SNX3: variants seen among roughly 807,000 people sequenced by gnomAD.
SNX3 encodes sorting nexin-3.
Under a neutral mutation model 17.7 loss-of-function variants are expected in SNX3, and 5 were observed. The ratio of observed to expected loss-of-function variants is 0.28; its 90% CI spans 0.15 to 0.59. The LOEUF is 0.59. Ranked by LOEUF, SNX3 falls within the 20% of genes least tolerant of loss-of-function variation. SNX3 has a pLI of 0.88. For synonymous variants in SNX3, 91 were observed against 76.5 expected (o/e 1.19, Z -0.99); for missense variants, 132 against 206.8 (o/e 0.64, Z 2.22).
intron 1 of SNX3, among the ~76,000 whole-genome samples, chr6:108,256,318 T>G (rs1484098373): frequency 6.6e-6 from 1 of 152,242 alleles, no homozygotes; most frequent in African/African-American, 2.4e-5. Flanking sequence ...AATGAAGGTA[T>G]ACTTCCATGA....
intron 1 of SNX3, among the ~76,000 whole-genome samples, chr6:108,246,810 C>T (rs188899737): frequency 1.1e-3 from 161 of 152,136 alleles, no homozygotes; most frequent in South Asian, 2.7e-3. Context: ...TGGCCTCAAA[C>T]GATCCTCCCA....
At chr6:108,253,949 C>T (rs548859717) in intron 1 of SNX3, among the ~76,000 whole-genome samples, 1 of 152,134 alleles carries the variant, frequency 6.6e-6, no homozygotes, top group East Asian at 1.9e-4. Flanking sequence ...CAAGGTGAAA[C>T]ACCATCTCTA....
At chr6:108,213,000 G>A (rs1774455455) in intron 3 of SNX3, among the ~76,000 whole-genome samples, 1 of 148,404 alleles carries the variant, frequency 6.7e-6, no homozygotes, top group Non-Finnish European at 1.5e-5. Flanking sequence ...CGATTCTCCT[G>A]CCACAGCCTC....
At chr6:108,230,924 T>C (rs574077958) in intron 1 of SNX3, among the ~76,000 whole-genome samples, 9 of 152,320 alleles carry the variant, frequency 5.9e-5, no homozygotes, top group African/African-American at 2.2e-4. Flanking sequence ...TGCCAAATGC[T>C]AGTTAATTTG....
At chr6:108,225,143 G>T (rs769771326) in intron 1 of SNX3, among the ~76,000 whole-genome samples, 3 of 152,114 alleles carry the variant, frequency 2.0e-5, no homozygotes, top group East Asian at 1.9e-4. Context: ...CCAGCCAGAC[G>T]TAGTGGCAGG....
intron 1 of SNX3, among the ~76,000 whole-genome samples, chr6:108,226,021 G>C (rs1234229681): frequency 7.0e-6 from 1 of 143,660 alleles, no homozygotes; most frequent in African/African-American, 2.6e-5. Context: ...ACTCCAGCAT[G>C]GGCAACAAAT....
At chr6:108,247,257 C>T (rs1229207047) in intron 1 of SNX3, among the ~76,000 whole-genome samples, 1 of 152,058 alleles carries the variant, frequency 6.6e-6, no homozygotes, top group Non-Finnish European at 1.5e-5. Context: ...CTTTCCTTTA[C>T]AAATTACCCA....
Position 108,212,174 on chromosome 6 carries a change from G to C in SNX3, c.464C>G (p.Thr155Ser). The C allele has an allele frequency of 6.2e-7, 1 of 1,606,934 alleles. No individual in the cohort carries two copies. Among genetic ancestry groups the C allele is most frequent in the Non-Finnish European group, 8.5e-7 (1 of 1,176,032 alleles). ...TCAGGCATGTCTTATTTTAGATGGA[G>C]TATAGCTTTTATCTATTATTTCATC... Reference protein sequence around the residue: ...LQDEIIDKSYTPSKIRHA With the variant: ...LQDEIIDKSYSPSKIRHA Residue 155 changes from threonine (T) to serine (S), a missense_variant, in exon 4 of 4, where the codon ACT becomes AGT. Transcript: ENST00000230085.
chr6:108,218,859 G>A (rs992271700), intron 2 of SNX3, among the ~76,000 whole-genome samples: 4 of 152,208 alleles, frequency 2.6e-5, no homozygotes, highest in African/African-American at 4.8e-5. Flanking sequence ...AGTGAGGAAG[G>A]GTTGGGGAGA....
intron 2 of SNX3, among the ~76,000 whole-genome samples, 179 bp downstream of exon 2, chr6:108,222,771 G>A (rs907056855): frequency 2.0e-5 from 3 of 152,072 alleles, no homozygotes; most frequent in Non-Finnish European, 4.4e-5. Context: ...GCAGACAAGA[G>A]AAAGAGTTCT....
chr6:108,213,619 T>C (rs1774473800), intron 3 of SNX3, among the ~76,000 whole-genome samples: 2 of 140,310 alleles, frequency 1.4e-5, no homozygotes, highest in Admixed American at 7.7e-5. Flanking sequence ...ACCACTGCAC[T>C]CCAGCCTGGG....
chr6:108,215,554 G>A (rs1474595059), intron 2 of SNX3, among the ~76,000 whole-genome samples: 1 of 151,818 alleles, frequency 6.6e-6, no homozygotes, highest in Non-Finnish European at 1.5e-5. Context: ...CTCCCTTCTC[G>A]CACTATAGGA....
intron 2 of SNX3, among the ~76,000 whole-genome samples, chr6:108,217,352 T>A (rs575000214): frequency 6.6e-6 from 1 of 152,210 alleles, no homozygotes; most frequent in South Asian, 2.1e-4. Context: ...GGGGAGGTGG[T>A]AGGCAACAGG....
rs489384 is a variant in SNX3 at position 108,238,117 on chromosome 6, A to C, written c.163-15072T>G. Among the ~76,000 whole-genome samples, 1,196 of 151,198 alleles carry C rather than the reference A, an allele frequency of 7.9e-3. 20 individuals carry two copies. Among genetic ancestry groups the C allele is most frequent in the African/African-American group, 0.024 (992 of 41,138 alleles). The stretch of plus-strand genomic sequence containing the variant: ...ATCCTGTCTCAAAAAAAAAAAAAAA[A>C]AAACAAACAAAAAAAGAATCAACTA... On this transcript the variant is annotated intron_variant, in intron 1 of 3. Transcript: ENST00000230085.
At chr6:108,239,816 T>G (rs562570602) in intron 1 of SNX3, among the ~76,000 whole-genome samples, 43 of 152,176 alleles carry the variant, frequency 2.8e-4, no homozygotes, top group Admixed American at 5.9e-4. Flanking sequence ...TTAATGAATA[T>G]CTCAACAACT....
At chr6:108,256,063 C>G (rs1776018592) in intron 1 of SNX3, among the ~76,000 whole-genome samples, 1 of 151,944 alleles carries the variant, frequency 6.6e-6, no homozygotes, top group Admixed American at 6.6e-5. Flanking sequence ...GATCTCGTCT[C>G]TACAAATAAT....
rs554429322 is a variant in SNX3 at position 108,221,532 on chromosome 6, C to CTTTTTTTTTTT, written c.258+1407_258+1417dup. Among the ~76,000 whole-genome samples the CTTTTTTTTTTT allele has an allele frequency of 1.2e-4, 7 of 57,780 alleles. 2 individuals carry two copies. Among genetic ancestry groups the CTTTTTTTTTTT allele is most frequent in the Non-Finnish European group, 2.4e-4 (7 of 29,330 alleles). The allele number at this position is 57,780 out of a possible 152,430, so 37.9% of individuals were successfully genotyped here. ...GTATTACAAGGAATACAGTATTACACTTTTTTTTTTTTTTTTTTTTTTTTT... is the reference window on the plus strand; with the variant it reads ...GTATTACAAGGAATACAGTATTACACTTTTTTTTTTTTTTTTTTTTTTTTTTTTTTTTTTTT... On this transcript the variant is annotated intron_variant, in intron 2 of 3. Coordinates refer to ENST00000230085, the MANE Select transcript of SNX3 (RefSeq NM_003795.6).
At chr6:108,247,582 A>G (rs1393489849) in intron 1 of SNX3, among the ~76,000 whole-genome samples, 2 of 151,690 alleles carry the variant, frequency 1.3e-5, no homozygotes, top group African/African-American at 4.8e-5. Flanking sequence ...AAGTCTCCCT[A>G]TGTTTCCCAG....
chr6:108,256,218 G>A (rs1776023630), intron 1 of SNX3, among the ~76,000 whole-genome samples: 1 of 152,134 alleles, frequency 6.6e-6, no homozygotes, highest in African/African-American at 2.4e-5. Flanking sequence ...GAGACAGAGG[G>A]AGACCCTGTC....
Sources: allele counts gnomAD v4.1 joint callset (sites outside exome capture counted in the v4.1 genomes callset), GRCh38; gene constraint gnomAD v4.1.1; transcripts MANE v1.5; gene names NCBI Gene and HGNC (gene_info 2026-07-23, HGNC 2026-07-21).